SVIL: variants seen among roughly 807,000 people sequenced by gnomAD.
The protein encoded by SVIL is supervillin.
Under a neutral mutation model 240.4 loss-of-function variants are expected in SVIL, and 101 were observed. The ratio of observed to expected loss-of-function variants is 0.42; its 90% CI spans 0.36 to 0.50. SVIL has a LOEUF of 0.50. Ranked by LOEUF, SVIL falls within the 20% of genes least tolerant of loss-of-function variation. The pLI is 0.01. For synonymous variants in SVIL, 999 were observed against 1,100.0 expected, an observed-to-expected ratio of 0.91 and a Z score of 1.82; for missense variants, 2,512 against 2,818.7, an observed-to-expected ratio of 0.89 and a Z score of 2.46.
chr10:29,482,192 C>A (rs1178843283), intron 27 of SVIL, among the ~76,000 whole-genome samples: 1 of 151,962 alleles, frequency 6.6e-6, no homozygotes, highest in Non-Finnish European at 1.5e-5. Flanking sequence ...CCATGCGTAG[C>A]TAATTTTTGT....
intron 1 of SVIL, among the ~76,000 whole-genome samples, chr10:29,602,938 A>G (rs1426258014): frequency 6.6e-6 from 1 of 152,138 alleles, no homozygotes; most frequent in Non-Finnish European, 1.5e-5. Flanking sequence ...GTGAGCCATG[A>G]TCACACCATT....
At chr10:29,499,609 T>C (rs1397929239) in intron 17 of SVIL, among the ~76,000 whole-genome samples, 1 of 152,188 alleles carries the variant, frequency 6.6e-6, no homozygotes, top group Non-Finnish European at 1.5e-5. Context: ...TTCTCTGTCT[T>C]AACCCATCTA....
At chr10:29,644,217 T>C (rs1181817173) in intron 3 of SVIL, among the ~76,000 whole-genome samples, 1 of 152,170 alleles carries the variant, frequency 6.6e-6, no homozygotes, top group Admixed American at 6.5e-5. Context: ...TTCCCTGCTG[T>C]TGTTGACATC....
chr10:29,548,037 A>C (rs2132632840), intron 6 of SVIL, among the ~76,000 whole-genome samples: 1 of 152,340 alleles, frequency 6.6e-6, no homozygotes, highest in Admixed American at 6.5e-5. Flanking sequence ...CTACATTTCC[A>C]GTTAAAACTA....
chr10:29,499,262 C>T lies in SVIL; in HGVS notation c.3518G>A (p.Arg1173Gln), dbSNP rs372472784. The change falls in exon 18 of 38, where the codon CGG becomes CAG. Residue 1173 changes from arginine (R) to glutamine (Q), a missense_variant and splice_region_variant. By Grantham distance (43) the Arg-to-Gln change is conservative. Coordinates refer to ENST00000355867, the MANE Select transcript of SVIL (RefSeq NM_021738.3). ...QEAGRSLIKK[R>Q]VTESRESQMT... ...TTGGCTCTCTCGACTTTCTGTGACC[C>T]GCTGTTCATAAATGTACAGAAGAGA... is the stretch of plus-strand genomic sequence containing the variant. 5.0e-6 allele frequency: 8 copies of T among 1,614,066 alleles called. No homozygotes were observed. The highest frequency in any genetic ancestry group is 1.6e-4 in the Middle Eastern group (1 of 6,082).
intron 3 of SVIL, among the ~76,000 whole-genome samples, chr10:29,642,270 G>A (rs190956812): frequency 1.2e-3 from 175 of 152,006 alleles, no homozygotes; most frequent in African/African-American, 4.2e-3. Context: ...ATGGTGGCTC[G>A]AGCCTGTAAT....
At chr10:29,508,537 C>T (rs1026799669) in intron 17 of SVIL, 2 of 486,260 alleles carry the variant, frequency 4.1e-6, no homozygotes, top group Non-Finnish European at 7.3e-6. Context: ...GAACCTCAGG[C>T]CAACTCATTC....
Position 29,529,811 on chromosome 10 carries a change from G to A in SVIL, c.2140C>T (p.Pro714Ser), listed in dbSNP as rs1422461922. 6.2e-7 allele frequency: 1 copy of A among 1,612,198 alleles called. No homozygotes were observed. Among genetic ancestry groups the A allele is most frequent in the Admixed American group, 1.7e-5 (1 of 59,474 alleles). Reference sequence around the variant, plus strand: ...GCTGTGTTTCTTGAGCGTCGCTTTGGAACATTTTGTTCATCAAAAGATTTT... The same window carrying A: ...GCTGTGTTTCTTGAGCGTCGCTTTGAAACATTTTGTTCATCAAAAGATTTT... ...MEKSFDEQNV[P>S]KRRSRNTAVE... The change falls in exon 12 of 38, where the codon CCA becomes TCA. Residue 714 changes from proline (P) to serine (S), a missense_variant. Transcript: ENST00000355867.
intron 1 of SVIL, among the ~76,000 whole-genome samples, chr10:29,731,298 G>A (rs1964607551): frequency 1.3e-5 from 2 of 152,292 alleles, no homozygotes; most frequent in South Asian, 2.1e-4. Context: ...CAGAAGATTT[G>A]CTGAATTAAA....
At chr10:29,526,593 G>A (rs567102748) in intron 13 of SVIL, among the ~76,000 whole-genome samples, 34 of 152,036 alleles carry the variant, frequency 2.2e-4, no homozygotes, top group Admixed American at 1.4e-3. Flanking sequence ...ATGAGCCACC[G>A]CGCCTGGCCA....
intron 3 of SVIL, among the ~76,000 whole-genome samples, chr10:29,644,997 A>C (rs1168664082): frequency 1.3e-5 from 2 of 152,100 alleles, no homozygotes; most frequent in Non-Finnish European, 2.9e-5. Flanking sequence ...TAAAAAAAAA[A>C]ACCTGAAAAA....
chr10:29,462,983 T>C (rs1474399791), intron 35 of SVIL, among the ~76,000 whole-genome samples: 1 of 152,246 alleles, frequency 6.6e-6, no homozygotes, highest in Non-Finnish European at 1.5e-5. Flanking sequence ...AAATTTCATG[T>C]GTATAGTAAA....
chr10:29,543,296 C>T (rs1451295778), intron 6 of SVIL, among the ~76,000 whole-genome samples: 1 of 152,208 alleles, frequency 6.6e-6, no homozygotes, highest in Admixed American at 6.5e-5. Flanking sequence ...GGACTCTTCT[C>T]TGGACACATT....
At chr10:29,514,204 T>C (rs1386717998) in intron 16 of SVIL, among the ~76,000 whole-genome samples, 1 of 152,180 alleles carries the variant, frequency 6.6e-6, no homozygotes, top group African/African-American at 2.4e-5. Flanking sequence ...AATATTTTTA[T>C]CCATAAATAT....
intron 1 of SVIL, among the ~76,000 whole-genome samples, chr10:29,706,176 G>A (rs1489650719): frequency 6.6e-6 from 1 of 152,182 alleles, no homozygotes; most frequent in Non-Finnish European, 1.5e-5. Context: ...TATATATTCA[G>A]TAATGGGATT....
At chr10:29,681,573 T>C (rs894976726) in intron 2 of SVIL, among the ~76,000 whole-genome samples, 1 of 152,104 alleles carries the variant, frequency 6.6e-6, no homozygotes, top group East Asian at 1.9e-4. Context: ...AAATTTTAAG[T>C]CCTTGCAACT....
At chr10:29,576,016 G>A (rs1444896232) in intron 1 of SVIL, 1 of 697,528 alleles carries the variant, frequency 1.4e-6, no homozygotes, top group South Asian at 6.4e-5. Flanking sequence ...CTTGCAATTG[G>A]GGTATAAATG....
At chr10:29,567,011 C>T (rs1955029095) in intron 2 of SVIL, among the ~76,000 whole-genome samples, 1 of 152,186 alleles carries the variant, frequency 6.6e-6, no homozygotes, top group South Asian at 2.1e-4. Context: ...TCATTTTCTG[C>T]ATTTTGATTT....
intron 1 of SVIL, among the ~76,000 whole-genome samples, chr10:29,734,649 C>A (rs1964795889): frequency 6.6e-6 from 1 of 152,114 alleles, no homozygotes; most frequent in South Asian, 2.1e-4. Flanking sequence ...GGGGTGGAGG[C>A]AGATAAGACA....
Sources: gnomAD v4.1 joint callset for allele counts (sites outside exome capture counted in the v4.1 genomes callset) on GRCh38, gnomAD v4.1.1 for gene constraint, MANE v1.5 for transcripts, NCBI Gene and HGNC (gene_info 2026-07-23, HGNC 2026-07-21) for gene names.